The following F5 variants were observed in gnomAD, a reference collection of about 807,000 sequenced individuals.
F5 encodes the protein coagulation factor V, also known as activated protein c cofactor.
Under a neutral mutation model 216.4 loss-of-function variants are expected in F5, and 138 were observed. The observed-to-expected ratio is 0.64, with a 90% CI of 0.56 to 0.73. F5 has a LOEUF of 0.73. Among genes scored for constraint, F5 ranks in the 30% least tolerant of loss-of-function variants. The pLI, the probability that F5 is intolerant of heterozygous loss-of-function variation, is 0.00. For missense variants in F5, 2,403 were observed against 2,674.0 expected, an observed-to-expected ratio of 0.90 and a Z score of 2.24; for synonymous variants, 916 against 930.7, an observed-to-expected ratio of 0.98 and a Z score of 0.29.
chr1:169,557,593 T>C (rs1019516610), intron 5 of F5, among the ~76,000 whole-genome samples: 2 of 152,102 alleles, frequency 1.3e-5, no homozygotes, highest in Admixed American at 1.3e-4. Flanking sequence ...TTTTGCTCCT[T>C]CTTTGCTCCT....
At chr1:169,533,365 G>C (rs1048648333) in intron 14 of F5, among the ~76,000 whole-genome samples, 1 of 152,104 alleles carries the variant, frequency 6.6e-6, no homozygotes, top group Admixed American at 6.6e-5. Flanking sequence ...AAGAATTTAT[G>C]ACTAATTCCT....
chr1:169,530,070 A>G (rs933669074), intron 15 of F5, among the ~76,000 whole-genome samples: 13 of 152,178 alleles, frequency 8.5e-5, no homozygotes, highest in Non-Finnish European at 1.2e-4. Flanking sequence ...AAGGGATACT[A>G]TTTATTGAGA....
chr1:169,572,850 A>G (rs945849091), intron 2 of F5, among the ~76,000 whole-genome samples: 1 of 152,096 alleles, frequency 6.6e-6, no homozygotes, highest in Non-Finnish European at 1.5e-5. Context: ...GAAAGAAGAG[A>G]TGAGGTGGAT....
At chr1:169,515,752 A>G in intron 23 of F5, 126 bp from the exon 24 acceptor site, 1 of 895,978 alleles carries the variant, frequency 1.1e-6, no homozygotes, top group Non-Finnish European at 1.8e-6. Context: ...CTTAGGATTC[A>G]CAGTCTCCTA....
intron 14 of F5, among the ~76,000 whole-genome samples, chr1:169,533,053 A>C (rs1659625987): frequency 6.6e-6 from 1 of 152,220 alleles, no homozygotes; most frequent in East Asian, 1.9e-4. Flanking sequence ...AAACAGAATA[A>C]AGAACCCAGA....
intron 17 of F5, among the ~76,000 whole-genome samples, chr1:169,527,045 A>G (rs1443722641): frequency 6.6e-6 from 1 of 152,028 alleles, no homozygotes; most frequent in Non-Finnish European, 1.5e-5. Context: ...ACACAACGTC[A>G]CCCAAAGTGC....
chr1:169,580,741 A>C (rs1660968548), intron 2 of F5, among the ~76,000 whole-genome samples: 1 of 152,152 alleles, frequency 6.6e-6, no homozygotes, highest in Non-Finnish European at 1.5e-5. Flanking sequence ...TAAATATATA[A>C]ATGAACACAT....
At chr1:169,525,856 A>T in intron 18 of F5, 45 bp downstream of exon 18, 2 of 1,294,316 alleles carry the variant, frequency 1.5e-6, no homozygotes, top group Non-Finnish European at 2.2e-6. Context: ...TTCTAGTAAT[A>T]GGCACTCTCC....
At position 169,555,418 on chromosome 1, in the gene F5, T is replaced by C; in HGVS notation, c.953-71A>G. 3 of 1,446,492 alleles carry C rather than the reference T, an allele frequency of 2.1e-6. No individual in the cohort carries two copies. In the South Asian group the frequency reaches 3.5e-5, roughly 17 times the overall value. 89.6% of individuals were successfully genotyped at this position (1,446,492 alleles called of 1,614,324 possible). On this transcript the variant is annotated intron_variant, in intron 6 of 24. Coordinates refer to ENST00000367797, the MANE Select transcript of F5 (RefSeq NM_000130.5). The stretch of plus-strand genomic sequence containing the variant: ...TATGGTTGATTGAAATGCATATCCT[T>C]TAAATCAACTTGTGGAAGGTTTATA...
chr1:169,570,571 C>A (rs550335337), intron 3 of F5, among the ~76,000 whole-genome samples: 1 of 152,246 alleles, frequency 6.6e-6, no homozygotes, highest in South Asian at 2.1e-4. Context: ...TGTTTTTCCT[C>A]AAGCCAAAGA....
chr1:169,543,881 T>C (rs1367281803), intron 12 of F5, among the ~76,000 whole-genome samples: 1 of 152,222 alleles, frequency 6.6e-6, no homozygotes, highest in Admixed American at 6.5e-5. Context: ...AGGACTTGCA[T>C]TCCAGTCTGA....
At chr1:169,572,434 G>A (rs1337264283) in intron 2 of F5, 91 bp from the exon 3 acceptor site, 1 of 1,482,000 alleles carries the variant, frequency 6.7e-7, no homozygotes, top group African/African-American at 1.4e-5. Context: ...GATACCAAGA[G>A]TGATTGCTAC....
At chr1:169,563,942 A>G (rs1660541510) in intron 3 of F5, among the ~76,000 whole-genome samples, 1 of 152,114 alleles carries the variant, frequency 6.6e-6, no homozygotes, top group Non-Finnish European at 1.5e-5. Context: ...TTTTATTAAC[A>G]TTGTGAATTT....
At chr1:169,558,365 A>G (rs917093433) in intron 5 of F5, among the ~76,000 whole-genome samples, 2 of 152,226 alleles carry the variant, frequency 1.3e-5, no homozygotes, top group Admixed American at 6.5e-5. Context: ...ATAGAATACA[A>G]TTTAAAAACA....
chr1:169,585,915 G>A (rs1288046040), intron 1 of F5, among the ~76,000 whole-genome samples: 2 of 152,170 alleles, frequency 1.3e-5, no homozygotes, highest in Non-Finnish European at 2.9e-5. Flanking sequence ...AGTGCCTGGT[G>A]CCTTTGAATT....
chr1:169,574,937 C>T (rs916779015), intron 2 of F5, among the ~76,000 whole-genome samples: 4 of 152,174 alleles, frequency 2.6e-5, no homozygotes, highest in Non-Finnish European at 4.4e-5. Context: ...GATACACCCA[C>T]TCCCTGCCTT....
chr1:169,517,990 G>A (rs951699500), intron 23 of F5, among the ~76,000 whole-genome samples: 5 of 152,086 alleles, frequency 3.3e-5, no homozygotes, highest in African/African-American at 4.8e-5. Flanking sequence ...AATTTGGCCC[G>A]CTGCCTGTTT....
chr1:169,523,167 A>G (rs959434824), intron 21 of F5, 30 bp downstream of exon 21: 1 of 1,612,136 alleles, frequency 6.2e-7, no homozygotes, highest in Non-Finnish European at 8.5e-7. Context: ...TCTAGAGTCT[A>G]GAGATTCAGA....
In F5 at chr1:169,524,888, G is replaced by C; in HGVS notation, c.5737C>G (p.Leu1913Val). Reference protein sequence around the residue: ...MDRDCRMPMGLSTGIISDSQI... With the variant: ...MDRDCRMPMGVSTGIISDSQI... ...GAATCAGATATGATACCAGTGCTTAGTCCCATTGGCATCCTACAGTCTATG... is the reference window on the plus strand; with the variant it reads ...GAATCAGATATGATACCAGTGCTTACTCCCATTGGCATCCTACAGTCTATG... The change falls in exon 19 of 25, where the codon CTA (leucine) becomes GTA (valine). Residue 1913 changes from leucine (L) to valine (V), a missense_variant. Around this residue, in one of 4 missense-constraint regions of F5, gnomAD observed 659 missense variants for 787.9 expected, o/e 0.84. Transcript: ENST00000367797. The C allele has an allele frequency of 6.2e-7, 1 of 1,613,444 alleles. No homozygotes were observed. The highest frequency in any genetic ancestry group is 8.5e-7 in the Non-Finnish European group (1 of 1,179,560).
Sources: gnomAD v4.1 joint callset for allele counts (sites outside exome capture counted in the v4.1 genomes callset) on GRCh38, gnomAD v4.1.1 for gene constraint, gnomAD v4.1.1 regional missense constraint, MANE v1.5 for transcripts, NCBI Gene and HGNC (gene_info 2026-07-23, HGNC 2026-07-21) for gene names.